The following SEMA3A variants were observed in gnomAD, a reference collection of about 807,000 sequenced individuals.
SEMA3A encodes the protein semaphorin-3A.
In SEMA3A, 29 loss-of-function variants were observed where a neutral mutation model predicts 97.9. That is an observed-to-expected ratio of 0.30 (90% CI 0.22 to 0.40). The LOEUF (loss-of-function observed/expected upper bound fraction) is 0.40. Ranked by LOEUF, SEMA3A falls within the 10% of genes least tolerant of loss-of-function variation. SEMA3A has a pLI of 1.00. For synonymous variants in SEMA3A, 321 were observed against 323.7 expected (o/e 0.99, Z 0.09); for missense variants, 763 against 951.3 (o/e 0.80, Z 2.60).
chr7:84,251,047 CTCTTA>C (rs1320877816), intron 3 of SEMA3A, among the ~76,000 whole-genome samples: 3 of 152,130 alleles, frequency 2.0e-5, no homozygotes, highest in South Asian at 2.1e-4. Context: ...CTAAGGGTTT[CTCTTA>C]TCTTTAAAAT....
intron 3 of SEMA3A, among the ~76,000 whole-genome samples, chr7:84,276,269 G>A (rs1010923498): frequency 3.9e-5 from 6 of 151,926 alleles, no homozygotes; most frequent in Admixed American, 2.0e-4. Context: ...TTGAACATAC[G>A]AGCTCTAATT....
chr7:84,233,160 T>G (rs1006618351), intron 3 of SEMA3A, among the ~76,000 whole-genome samples: 2 of 152,044 alleles, frequency 1.3e-5, no homozygotes, highest in African/African-American at 4.8e-5. Context: ...TCATTTTAAT[T>G]TATTTTTGCC....
chr7:84,488,798 A>G (rs1299006602), intron 1 of SEMA3A, among the ~76,000 whole-genome samples: 2 of 152,174 alleles, frequency 1.3e-5, no homozygotes, highest in East Asian at 3.9e-4. Context: ...TTGATTGACA[A>G]CCAACTATTT....
chr7:83,960,534 A>G lies in SEMA3A; in HGVS notation c.*837T>C, dbSNP rs563876596. 16 of 152,606 alleles carry G rather than the reference A, an allele frequency of 1.0e-4. No homozygotes were observed. Among genetic ancestry groups the G allele is most frequent in the African/African-American group, 3.9e-4 (16 of 41,552 alleles). The allele number at this position is 152,606 out of a possible 1,614,324, so 9.5% of individuals were successfully genotyped here. A position where few individuals can be genotyped will look rare whatever the true frequency, so the allele number is the denominator to read the frequency against. On this transcript the variant is annotated 3_prime_UTR_variant, in exon 17 of 17. Transcript: ENST00000265362. ...TGGTTTTAGAGATTCACTCTTAATG[A>G]TGTATATGTGTTTCTAGAACAATGT...
At chr7:84,215,109 G>A (rs1380354661) in intron 3 of SEMA3A, among the ~76,000 whole-genome samples, 3 of 151,308 alleles carry the variant, frequency 2.0e-5, no homozygotes, top group East Asian at 2.0e-4. Context: ...CTGACCTCAC[G>A]ATTTGTCTGC....
Position 84,314,471 on chromosome 7 carries a change from G to C in SEMA3A, c.-168-7179C>G, listed in dbSNP as rs542737058. On this transcript the variant is annotated intron_variant, in intron 2 of 3. Coordinates refer to the SEMA3A transcript ENST00000424555. ...GCTTTAAGATCCAGCTCATTGTTCT[G>C]CTCTTGCTCTTTTCTTTCTGCCATA... Among the ~76,000 whole-genome samples the C allele has an allele frequency of 3.3e-5, 5 of 152,202 alleles. No homozygotes were observed. In the South Asian group the frequency reaches 1.0e-3, roughly 32 times the overall value.
chr7:84,000,382 CATA>C (rs1017487055), intron 12 of SEMA3A, among the ~76,000 whole-genome samples: 2 of 152,032 alleles, frequency 1.3e-5, no homozygotes, highest in East Asian at 3.9e-4. Flanking sequence ...TTTTAAAAAT[CATA>C]ATAGAATTAT....
At chr7:84,017,145 C>T (rs1791136244) in intron 6 of SEMA3A, among the ~76,000 whole-genome samples, 1 of 152,114 alleles carries the variant, frequency 6.6e-6, no homozygotes. Flanking sequence ...AAAATGACAA[C>T]AAAGAAAACA....
At chr7:84,476,274 G>C (rs943889891) in intron 1 of SEMA3A, among the ~76,000 whole-genome samples, 2 of 151,174 alleles carry the variant, frequency 1.3e-5, no homozygotes, top group African/African-American at 4.9e-5. Context: ...CAGGAGAATC[G>C]CTTCAACCCG....
chr7:84,075,924 T>C (rs1427102896), intron 4 of SEMA3A, among the ~76,000 whole-genome samples: 1 of 152,206 alleles, frequency 6.6e-6, no homozygotes, highest in Non-Finnish European at 1.5e-5. Flanking sequence ...TTATCAATTA[T>C]GAAATCCAGA....
chr7:84,051,639 G>A (rs1326072806), intron 5 of SEMA3A, among the ~76,000 whole-genome samples: 10 of 152,028 alleles, frequency 6.6e-5, no homozygotes, highest in Non-Finnish European at 1.2e-4. Flanking sequence ...CTAGATATAC[G>A]ATCATGTCGT....
intron 2 of SEMA3A, among the ~76,000 whole-genome samples, chr7:84,312,678 C>T (rs1053103088): frequency 2.0e-5 from 3 of 147,648 alleles, no homozygotes; most frequent in African/African-American, 5.1e-5. Flanking sequence ...TGTACACACA[C>T]GCGTGTACAC....
chr7:84,172,193 C>T (rs989311782), intron 1 of SEMA3A, among the ~76,000 whole-genome samples: 13 of 152,076 alleles, frequency 8.5e-5, no homozygotes, highest in African/African-American at 3.1e-4. Context: ...TTTAGTTAGC[C>T]ATATGCACAC....
intron 3 of SEMA3A, among the ~76,000 whole-genome samples, chr7:84,248,883 G>A (rs1024606618): frequency 6.6e-6 from 1 of 152,246 alleles, no homozygotes; most frequent in Middle Eastern, 3.4e-3. Flanking sequence ...TCAAGGAACA[G>A]GAAACTTACT....
At chr7:84,283,674 G>T (rs1227521842) in intron 3 of SEMA3A, among the ~76,000 whole-genome samples, 1 of 151,936 alleles carries the variant, frequency 6.6e-6, no homozygotes, top group Non-Finnish European at 1.5e-5. Context: ...AATTCACATA[G>T]TAAAAGTGTT....
chr7:84,382,749 G>A (rs1803299123), intron 1 of SEMA3A, among the ~76,000 whole-genome samples: 2 of 149,884 alleles, frequency 1.3e-5, no homozygotes, highest in South Asian at 2.1e-4. Flanking sequence ...GTGGTGGTGG[G>A]TGCCTGTAGT....
intron 3 of SEMA3A, among the ~76,000 whole-genome samples, chr7:84,272,376 T>C (rs181097302): frequency 1.4e-4 from 22 of 152,206 alleles, no homozygotes; most frequent in Admixed American, 4.6e-4. Context: ...AATAATTATT[T>C]ATTTATTGTT....
chr7:84,140,938 G>T (rs572290485), intron 1 of SEMA3A, among the ~76,000 whole-genome samples: 9 of 152,012 alleles, frequency 5.9e-5, no homozygotes, highest in Non-Finnish European at 1.2e-4. Context: ...CATGAACAAC[G>T]AATAATCTTC....
At chr7:84,272,070 T>G (rs758032701) in intron 3 of SEMA3A, among the ~76,000 whole-genome samples, 33 of 152,054 alleles carry the variant, frequency 2.2e-4, no homozygotes, top group Non-Finnish European at 4.3e-4. Context: ...TCTAGCGCCT[T>G]GCCTGGCACA....
Sources: allele counts gnomAD v4.1 joint callset (sites outside exome capture counted in the v4.1 genomes callset), GRCh38; gene constraint gnomAD v4.1.1; transcripts MANE v1.5; gene names NCBI Gene and HGNC (gene_info 2026-07-23, HGNC 2026-07-21).